DDX55: variants seen among roughly 807,000 people sequenced by gnomAD.
DDX55 encodes the protein DEAD-box helicase 55, also known as ATP-dependent RNA helicase DDX55.
DDX55 carries 56 observed loss-of-function variants against 69.2 expected under a neutral mutation model. The ratio of observed to expected loss-of-function variants is 0.81; its 90% confidence interval spans 0.65 to 1.01. DDX55 has a LOEUF of 1.01. Ranked by LOEUF, DDX55 falls within the 50% of genes least tolerant of loss-of-function variation. The pLI, the probability that DDX55 is intolerant of heterozygous loss-of-function variation, is 0.00. For missense variants in DDX55, 720 were observed against 745.1 expected (o/e 0.97, Z 0.39); for synonymous variants, 268 against 273.1 (o/e 0.98, Z 0.18).
Position 123,616,574 on chromosome 12 carries a change from T to G in DDX55, c.1020T>G (p.Val340=). The part of the protein sequence containing the change: ...RGIDIPEVNW[V]LQYDPPSNAS... ...TTGATATTCCTGAAGTCAACTGGGT[T>G]TTGCAGTATGACCCTCCCAGCAATG... Residue 340 remains valine (V), a synonymous_variant, in exon 10 of 14, where the codon GTT becomes GTG. Coordinates refer to ENST00000238146, the MANE Select transcript of DDX55 (RefSeq NM_020936.3). The G allele has an allele frequency of 1.2e-6, 2 of 1,614,118 alleles. No individual in the cohort carries two copies. Among genetic ancestry groups the G allele is most frequent in the Non-Finnish European group, 8.5e-7 (1 of 1,180,012 alleles).
chr12:123,615,809 C>A (rs1005175286), intron 9 of DDX55, among the ~76,000 whole-genome samples: 3 of 152,126 alleles, frequency 2.0e-5, no homozygotes, highest in Non-Finnish European at 4.4e-5. Context: ...GTGGTGAAAC[C>A]CTGTCTCTAC....
intron 8 of DDX55, 83 bp downstream of exon 8, chr12:123,613,335 C>A: frequency 7.4e-7 from 1 of 1,347,462 alleles, no homozygotes; most frequent in Non-Finnish European, 1.0e-6. Context: ...TTTTGGATTC[C>A]ATCTAGCATG....
chr12:123,618,382 G>A (rs777875267), intron 11 of DDX55: 2 of 760,088 alleles, frequency 2.6e-6, no homozygotes, highest in Admixed American at 1.8e-5. Flanking sequence ...GTGGTAGCAT[G>A]CCCTGCTGGG....
chr12:123,604,274 G>A (rs1171271371), intron 1 of DDX55, among the ~76,000 whole-genome samples: 1 of 152,138 alleles, frequency 6.6e-6, no homozygotes, highest in Non-Finnish European at 1.5e-5. Flanking sequence ...CGGGCACGGT[G>A]GCTCACGCCT....
Position 123,620,247 on chromosome 12 carries a change from G to A in DDX55, c.*107G>A. 9.3e-7 allele frequency: 1 copy of A among 1,072,746 alleles called. No homozygotes were observed. Among genetic ancestry groups the A allele is most frequent in the Non-Finnish European group, 1.3e-6 (1 of 749,672 alleles). The allele number at this position is 1,072,746 out of a possible 1,614,324, so 66.5% of individuals were successfully genotyped here. On this transcript the variant is annotated 3_prime_UTR_variant, in exon 14 of 14. Coordinates refer to ENST00000238146, the MANE Select transcript of DDX55 (RefSeq NM_020936.3). ...CACAACTTCAGGAGACATCTGAAAA[G>A]AATGATGTCTCTGAAAGCTGTCCTT...
intron 9 of DDX55, 77 bp from the exon 10 acceptor site, chr12:123,616,434 A>G (rs1419348533): frequency 2.3e-6 from 3 of 1,326,536 alleles, no homozygotes; most frequent in African/African-American, 2.9e-5. Flanking sequence ...TGTCACTGTC[A>G]TCGAGATCAG....
At chr12:123,616,240 G>T (rs1183255157) in intron 9 of DDX55, among the ~76,000 whole-genome samples, 1 of 152,122 alleles carries the variant, frequency 6.6e-6, no homozygotes, top group African/African-American at 2.4e-5. Context: ...TGGCTACAAA[G>T]GATTAGACCC....
chr12:123,606,351 A>G (rs1359653596), intron 3 of DDX55, among the ~76,000 whole-genome samples, 192 bp downstream of exon 3: 1 of 152,176 alleles, frequency 6.6e-6, no homozygotes, highest in Non-Finnish European at 1.5e-5. Flanking sequence ...CAACACAGTG[A>G]GACTTCATCT....
At position 123,613,574 on chromosome 12, in the gene DDX55, C is replaced by T. The variant is rs944210659; in HGVS notation, c.824+322C>T. On this transcript the variant is annotated intron_variant, in intron 8 of 13. Transcript: ENST00000238146. Reference sequence around the variant, plus strand: ...ACCACTATTACACCCTGTCATGTCTCCACTGAAGAAAGATAAGGGGGGAAA... The same window carrying T: ...ACCACTATTACACCCTGTCATGTCTTCACTGAAGAAAGATAAGGGGGGAAA... 2.2e-4 allele frequency among the ~76,000 whole-genome samples: 34 copies of T among 152,024 alleles called. 1 individual carries two copies. The highest frequency in any genetic ancestry group is 5.9e-5 in the Non-Finnish European group (4 of 68,014).
rs755825356 is a variant in DDX55, at chr12:123,608,751, T to C, written c.473T>C (p.Leu158Pro). 9 of 1,614,050 alleles carry C rather than the reference T, an allele frequency of 5.6e-6. No individual in the cohort carries two copies. The highest frequency in any genetic ancestry group is 8.5e-7 in the Non-Finnish European group (1 of 1,180,044). The change falls in exon 6 of 14, where the codon CTG (leucine) becomes CCG (proline). Residue 158 changes from leucine (L) to proline (P), a missense_variant. By Grantham distance (98) the Leu-to-Pro change is moderately conservative. Coordinates refer to ENST00000238146, the MANE Select transcript of DDX55 (RefSeq NM_020936.3). Reference protein sequence around the residue: ...MFRRKAEGLDLASCVRSLDVL... With the variant: ...MFRRKAEGLDPASCVRSLDVL... ...CGGAGGAAGGCCGAAGGCTTGGATC[T>C]GGCCAGCTGTGTGCGATCCCTGGAT...
intron 11 of DDX55, chr12:123,618,373 T>C (rs34514002): frequency 0.27 from 194,000 of 711,040 alleles, 28,931 homozygotes; most frequent in African/African-American, 0.42. Context: ...GTCTCCTGTG[T>C]GGTAGCATGC....
chr12:123,608,587 C>A, intron 5 of DDX55, 93 bp from the exon 6 acceptor site: 1 of 1,481,756 alleles, frequency 6.7e-7, no homozygotes, highest in Non-Finnish European at 9.3e-7. Flanking sequence ...GCTTAAATGA[C>A]TTTGGGGGGA....
intron 7 of DDX55, among the ~76,000 whole-genome samples, chr12:123,611,449 C>T (rs1215516502): frequency 4.6e-5 from 7 of 152,216 alleles, no homozygotes; most frequent in African/African-American, 1.7e-4. Context: ...TACACTGGCC[C>T]ACCAGCCCGG....
At chr12:123,607,721 C>G in intron 5 of DDX55, 59 bp downstream of exon 5, 4 of 1,611,694 alleles carry the variant, frequency 2.5e-6, no homozygotes, top group Non-Finnish European at 3.4e-6. Context: ...ACCTAAGAAT[C>G]GATGTGTGAT....
In DDX55 at chr12:123,610,880, G is replaced by A. The variant is rs559399218; in HGVS notation, c.741+752G>A. On this transcript the variant is annotated intron_variant, in intron 7 of 13. Coordinates refer to ENST00000238146, the MANE Select transcript of DDX55 (RefSeq NM_020936.3). ...GCTGGGATTACAGGTGTGAGCCACC[G>A]CGCCCGGCCGTTTTTTTTTGTTTGT... Among the ~76,000 whole-genome samples the A allele has an allele frequency of 1.5e-3, 207 of 138,240 alleles. 1 individual carries two copies. Among genetic ancestry groups the A allele is most frequent in the African/African-American group, 4.5e-3 (161 of 35,488 alleles). 90.7% of individuals were successfully genotyped at this position (138,240 alleles called of 152,430 possible).
Position 123,607,436 on chromosome 12 carries a change from G to A in DDX55, c.251G>A (p.Gly84Glu). 6.2e-7 allele frequency: 1 copy of A among 1,614,022 alleles called. No individual in the cohort carries two copies. The highest frequency in any genetic ancestry group is 8.5e-7 in the Non-Finnish European group (1 of 1,179,990). The part of the protein sequence containing the change: ...REEKLKKSQV[G>E]AIIITPTREL... ...CCCTTCCTTCCATGTGGGTAGGTTGGAGCCATAATCATCACCCCCACTCGA... is the reference window on the plus strand; with the variant it reads ...CCCTTCCTTCCATGTGGGTAGGTTGAAGCCATAATCATCACCCCCACTCGA... The change falls in exon 4 of 14, where the codon GGA becomes GAA. Residue 84 changes from glycine (G) to glutamate (E), a missense_variant. Gly to Glu is a moderately conservative substitution (Grantham distance 98). Transcript: ENST00000238146.
intron 12 of DDX55, among the ~76,000 whole-genome samples, chr12:123,619,205 G>T (rs565887395): frequency 6.6e-6 from 1 of 152,096 alleles, no homozygotes; most frequent in African/African-American, 2.4e-5. Flanking sequence ...GGGTTTCACC[G>T]TGTTAGCCAG....
At position 123,620,619 on chromosome 12, in the gene DDX55, T is replaced by TATATATAA. The variant is rs1555284664; in HGVS notation, c.*486_*487insAATATATA. Reference sequence around the variant, plus strand: ...ATATATATATATATATATATATATATATATATATAAGCTCTTTTTTCTGAG... The same window carrying TATATATAA: ...ATATATATATATATATATATATATATATATATAAATATATATAAGCTCTTTTTTCTGAG... On this transcript the variant is annotated 3_prime_UTR_variant, in exon 14 of 14. Coordinates refer to ENST00000238146, the MANE Select transcript of DDX55 (RefSeq NM_020936.3). The TATATATAA allele has an allele frequency of 2.7e-4, 32 of 120,552 alleles. No homozygotes were observed. The highest frequency in any genetic ancestry group is 1.1e-3 in the African/African-American group (30 of 27,304). The allele number at this position is 120,552 out of a possible 1,614,324, so 7.5% of individuals were successfully genotyped here.
At chr12:123,604,682 AAAG>A (rs1279580224) in intron 1 of DDX55, among the ~76,000 whole-genome samples, 6 of 152,210 alleles carry the variant, frequency 3.9e-5, no homozygotes, top group African/African-American at 1.4e-4. Flanking sequence ...TAGTATGAAA[AAAG>A]AATGGAAAAT....
Sources: allele counts gnomAD v4.1 joint callset (sites outside exome capture counted in the v4.1 genomes callset), GRCh38; gene constraint gnomAD v4.1.1; transcripts MANE v1.5; gene names NCBI Gene and HGNC (gene_info 2026-07-23, HGNC 2026-07-21).